The following DNAH6 variants were observed in gnomAD, a reference collection of about 807,000 sequenced individuals.
DNAH6 encodes the protein axonemal beta dynein heavy chain 6.
In DNAH6, 340 loss-of-function variants were observed where a neutral mutation model predicts 491.4. That is an observed-to-expected ratio of 0.69 (90% CI 0.63 to 0.76). DNAH6 has a LOEUF of 0.76. DNAH6 is among the 30% of genes least tolerant of loss of function. The pLI, the probability that DNAH6 is intolerant of heterozygous loss-of-function variation, is 0.00. For missense variants in DNAH6, 4,443 were observed against 4,972.2 expected, an observed-to-expected ratio of 0.89 and a Z score of 3.20; for synonymous variants, 1,603 against 1,686.1, an observed-to-expected ratio of 0.95 and a Z score of 1.21.
At chr2:84,500,016 A>T in the DNAH6 span, among the ~76,000 whole-genome samples, 1 of 152,028 alleles carries the variant, frequency 6.6e-6, no homozygotes, top group Non-Finnish European at 1.5e-5. Flanking sequence ...TTTGCTGTGC[A>T]GAAGCTTTTT....
Position 84,681,410 on chromosome 2 carries a change from A to T in DNAH6, c.6798A>T (p.Ala2266=). The change falls in exon 42 of 77, where the codon GCA becomes GCT. Residue 2266 remains alanine, a synonymous_variant. Coordinates refer to ENST00000389394, the MANE Select transcript of DNAH6 (RefSeq NM_001370.2). ...SDFPPAVKQT[A]SSIVEASVEI... is the part of the protein sequence containing the mutation. ...TTCCACCAGCTGTAAAGCAAACTGCATCAAGCATTGTAGAAGCCTCAGTTG... is the reference window on the plus strand; with the variant it reads ...TTCCACCAGCTGTAAAGCAAACTGCTTCAAGCATTGTAGAAGCCTCAGTTG... The T allele has an allele frequency of 6.4e-7, 1 of 1,551,642 alleles. No individual in the cohort carries two copies. Among genetic ancestry groups the T allele is most frequent in the South Asian group, 1.2e-5 (1 of 83,950 alleles).
intron 56 of DNAH6, 137 bp downstream of exon 56, chr2:84,710,549 C>T: frequency 1.2e-6 from 1 of 802,834 alleles, no homozygotes. Flanking sequence ...AGTTCCTCTT[C>T]TCCTTAAACA....
intron 63 of DNAH6, among the ~76,000 whole-genome samples, chr2:84,750,365 T>C (rs1368835581): frequency 6.6e-6 from 1 of 151,990 alleles, no homozygotes; most frequent in East Asian, 1.9e-4. Flanking sequence ...GTATTCTTTT[T>C]GTAGAAATGG....
the DNAH6 span, among the ~76,000 whole-genome samples, chr2:84,467,807 A>C: frequency 4.6e-5 from 7 of 152,320 alleles, no homozygotes; most frequent in East Asian, 9.6e-4. Flanking sequence ...TAGCTAGGGG[A>C]CATGGCTAAT....
chr2:84,784,826 G>A lies in DNAH6; in HGVS notation c.10953+16G>A. The A allele has an allele frequency of 6.7e-7, 1 of 1,492,154 alleles. No homozygotes were observed. The highest frequency in any genetic ancestry group is 9.1e-7 in the Non-Finnish European group (1 of 1,093,734). 92.4% of individuals were successfully genotyped at this position (1,492,154 alleles called of 1,614,324 possible). On this transcript the variant is annotated intron_variant, in intron 66 of 76. Coordinates refer to ENST00000389394, the MANE Select transcript of DNAH6 (RefSeq NM_001370.2). ...TTCTGTCAAGGTAATGTATGCATAT[G>A]GTTGGAACAATGTGAAATGGTTGGT... is the stretch of plus-strand genomic sequence containing the variant.
chr2:84,693,023 G>C (rs1695025854), intron 45 of DNAH6, among the ~76,000 whole-genome samples: 1 of 152,070 alleles, frequency 6.6e-6, no homozygotes, highest in Non-Finnish European at 1.5e-5. Context: ...GAAACATTTA[G>C]TGTTTTGTCT....
the DNAH6 span, among the ~76,000 whole-genome samples, chr2:84,476,611 T>C: frequency 7.2e-5 from 11 of 152,204 alleles, no homozygotes; most frequent in Non-Finnish European, 1.6e-4. Flanking sequence ...ATCATCTGTT[T>C]GAAATGGCTC....
At chr2:84,673,680 C>T (rs1249884550) in intron 40 of DNAH6, among the ~76,000 whole-genome samples, 1 of 152,224 alleles carries the variant, frequency 6.6e-6, no homozygotes, top group Non-Finnish European at 1.5e-5. Flanking sequence ...TGTTCAAGGG[C>T]AGGAAGCATC....
chr2:84,737,267 A>G (rs182049654), intron 62 of DNAH6, among the ~76,000 whole-genome samples: 7 of 152,198 alleles, frequency 4.6e-5, no homozygotes, highest in East Asian at 1.9e-4. Context: ...TATTTTCATC[A>G]GGGATATTGG....
At position 84,549,958 on chromosome 2, in the gene DNAH6, G is replaced by T; in HGVS notation, c.1386G>T (p.Ser462=). Residue 462 remains serine (S), a synonymous_variant, in exon 9 of 77, where the codon TCG becomes TCT. Coordinates refer to ENST00000389394, the MANE Select transcript of DNAH6 (RefSeq NM_001370.2). ...MHILTVNAVN[S]LLNHLTDKLK... ...TCTTAACGGTAAATGCTGTTAATTC[G>T]CTTTTGAACCATCTCACTGACAAGC... 6.2e-7 allele frequency: 1 copy of T among 1,613,654 alleles called. No individual in the cohort carries two copies.
chr2:84,637,307 T>C lies in DNAH6; in HGVS notation c.4751T>C (p.Leu1584Ser). The change falls in exon 31 of 77, where the codon TTG becomes TCG. Residue 1584 changes from leucine (L) to serine (S), a missense_variant. Transcript: ENST00000389394. ...CCTGGCTATGCAGGGAGAACTGAATTGCCAGATAATTTGAAAGCCCTGTTT... is the reference window on the plus strand; with the variant it reads ...CCTGGCTATGCAGGGAGAACTGAATCGCCAGATAATTTGAAAGCCCTGTTT... ...MNPGYAGRTE[L>S]PDNLKALFRP... The C allele has an allele frequency of 1.3e-6, 2 of 1,551,396 alleles. No homozygotes were observed. The highest frequency in any genetic ancestry group is 1.7e-6 in the Non-Finnish European group (2 of 1,146,756).
At chr2:84,569,632 T>G (rs1259202241) in intron 11 of DNAH6, among the ~76,000 whole-genome samples, 2 of 152,220 alleles carry the variant, frequency 1.3e-5, no homozygotes, top group African/African-American at 2.4e-5. Context: ...ATTTTGGCCA[T>G]GTATCCTGTG....
chr2:84,751,511 C>G (rs190618111), intron 63 of DNAH6, among the ~76,000 whole-genome samples: 1 of 152,308 alleles, frequency 6.6e-6, no homozygotes, highest in East Asian at 1.9e-4. Context: ...TTCAAAAACT[C>G]TTAGTAAGCC....
chr2:84,646,910 C>T (rs1345442975), intron 33 of DNAH6, among the ~76,000 whole-genome samples: 1 of 152,198 alleles, frequency 6.6e-6, no homozygotes, highest in Non-Finnish European at 1.5e-5. Flanking sequence ...TGCAGTAACA[C>T]AGTCTTGGCT....
At chr2:84,643,932 G>GT (rs1335299229) in intron 33 of DNAH6, among the ~76,000 whole-genome samples, 4 of 151,066 alleles carry the variant, frequency 2.6e-5, no homozygotes, top group East Asian at 1.9e-4. Flanking sequence ...GTTTGTTTTT[G>GT]TTTTTTTGCC....
chr2:84,467,174 A>C, the DNAH6 span, among the ~76,000 whole-genome samples: 1 of 152,248 alleles, frequency 6.6e-6, no homozygotes, highest in African/African-American at 2.4e-5. Context: ...AATGTTTCAC[A>C]AAACTTTTAC....
intron 63 of DNAH6, among the ~76,000 whole-genome samples, chr2:84,761,809 C>CACACACAA (rs1553489455): frequency 1.4e-4 from 21 of 151,788 alleles, no homozygotes; most frequent in African/African-American, 5.1e-4. Context: ...CACACACACA[C>CACACACAA]ACACACACAC....
chr2:84,609,720 G>C (rs1467476265), intron 21 of DNAH6, among the ~76,000 whole-genome samples: 1 of 151,834 alleles, frequency 6.6e-6, no homozygotes, highest in African/African-American at 2.4e-5. Flanking sequence ...AATATTGCAA[G>C]AATTACCAAA....
chr2:84,496,145 G>A, the DNAH6 span, among the ~76,000 whole-genome samples: 2 of 152,060 alleles, frequency 1.3e-5, no homozygotes, highest in African/African-American at 4.8e-5. Flanking sequence ...CATCTACATG[G>A]GACAGATGTC....
Sources: allele counts gnomAD v4.1 joint callset (sites outside exome capture counted in the v4.1 genomes callset), GRCh38; gene constraint gnomAD v4.1.1; transcripts MANE v1.5; gene names NCBI Gene and HGNC (gene_info 2026-07-23, HGNC 2026-07-21).